The following ASTN2 variants were observed in gnomAD, a reference collection of about 807,000 sequenced individuals.
ASTN2 encodes the protein astrotactin-2.
In ASTN2, 54 loss-of-function variants were observed where a neutral mutation model predicts 139.8. The observed-to-expected ratio is 0.39, with a 90% confidence interval of 0.31 to 0.48. ASTN2 has a LOEUF of 0.48. Among genes scored for constraint, ASTN2 ranks in the 20% least tolerant of loss-of-function variants. The pLI, the probability that ASTN2 is intolerant of heterozygous loss-of-function variation, is 0.95. For missense variants in ASTN2, 1,565 were observed against 1,725.1 expected (o/e 0.91, Z 1.64); for synonymous variants, 756 against 719.5 (o/e 1.05, Z -0.81).
intron 20 of ASTN2, among the ~76,000 whole-genome samples, chr9:116,487,033 C>T (rs1449888374): frequency 6.6e-6 from 1 of 152,088 alleles, no homozygotes. Context: ...AGGCAGAGAT[C>T]CCTGACCCAA....
At chr9:117,203,797 G>A (rs556822872) in intron 3 of ASTN2, among the ~76,000 whole-genome samples, 1 of 152,132 alleles carries the variant, frequency 6.6e-6, no homozygotes, top group Non-Finnish European at 1.5e-5. Flanking sequence ...CCTGCATAGG[G>A]TATCTGACAA....
At chr9:117,288,254 G>A (rs1458026869) in intron 2 of ASTN2, among the ~76,000 whole-genome samples, 1 of 152,122 alleles carries the variant, frequency 6.6e-6, no homozygotes. Context: ...GTAGATGCTC[G>A]ACTCTAGCCT....
chr9:116,504,919 AAAC>A (rs1197566179), intron 19 of ASTN2, among the ~76,000 whole-genome samples: 5 of 140,614 alleles, frequency 3.6e-5, no homozygotes, highest in South Asian at 2.3e-4. Context: ...AAAAAACCCA[AAAC>A]AACAACAACA....
intron 1 of ASTN2, among the ~76,000 whole-genome samples, chr9:117,354,797 C>T (rs1364793929): frequency 2.0e-5 from 3 of 152,184 alleles, no homozygotes; most frequent in Non-Finnish European, 2.9e-5. Context: ...CTAGAACCTA[C>T]TCCACAGTGA....
rs145270109 is a variant in ASTN2 at position 116,769,849 on chromosome 9, A to G, written c.2396+35783T>C. ...CACTTCAGGTCAGGAGTTCAAGACCATGCTGGGCAACATAGCAAGACCCCA... is the reference window on the plus strand; with the variant it reads ...CACTTCAGGTCAGGAGTTCAAGACCGTGCTGGGCAACATAGCAAGACCCCA... On this transcript the variant is annotated intron_variant, in intron 13 of 22. Coordinates refer to ENST00000313400, the MANE Select transcript of ASTN2 (RefSeq NM_001365068.1). Among the ~76,000 whole-genome samples the G allele has an allele frequency of 3.9e-5, 6 of 152,214 alleles. No homozygotes were observed. In the East Asian group the frequency reaches 9.7e-4, roughly 25 times the overall value.
intron 3 of ASTN2, among the ~76,000 whole-genome samples, chr9:117,182,792 G>A (rs1239070454): frequency 6.6e-6 from 1 of 151,874 alleles, no homozygotes; most frequent in Non-Finnish European, 1.5e-5. Flanking sequence ...CCATCTCTGT[G>A]TCCTAGAATA....
At chr9:117,100,848 A>G (rs1288000103) in intron 4 of ASTN2, among the ~76,000 whole-genome samples, 1 of 152,214 alleles carries the variant, frequency 6.6e-6, no homozygotes, top group Non-Finnish European at 1.5e-5. Context: ...GTTAGTTTCT[A>G]TATTTGTTTA....
intron 5 of ASTN2, among the ~76,000 whole-genome samples, chr9:117,085,880 G>A (rs891989218): frequency 2.0e-5 from 3 of 152,062 alleles, no homozygotes; most frequent in Non-Finnish European, 4.4e-5. Flanking sequence ...CCTTATAATG[G>A]CCTGACCAGA....
intron 1 of ASTN2, among the ~76,000 whole-genome samples, chr9:117,300,564 G>A (rs553228896): frequency 1.4e-4 from 22 of 152,306 alleles, no homozygotes; most frequent in African/African-American, 4.6e-4. Flanking sequence ...AGGAACACAC[G>A]TGAGAGGTCA....
intron 22 of ASTN2, among the ~76,000 whole-genome samples, chr9:116,434,479 G>A (rs777348455): frequency 6.6e-4 from 100 of 152,170 alleles, no homozygotes; most frequent in Admixed American, 9.2e-4. Context: ...CCCATGGCAC[G>A]TTGAGAAAGA....
intron 6 of ASTN2, among the ~76,000 whole-genome samples, chr9:117,014,351 T>C (rs1235697407): frequency 6.6e-6 from 1 of 152,092 alleles, no homozygotes; most frequent in African/African-American, 2.4e-5. Context: ...AAAAACAAGC[T>C]TGAGGGTTTT....
At chr9:117,026,851 C>T (rs7047287) in intron 6 of ASTN2, among the ~76,000 whole-genome samples, 30,578 of 152,050 alleles carry the variant, frequency 0.2, 3,701 homozygotes, top group East Asian at 0.45. Flanking sequence ...ATATGTGCTA[C>T]GCAAGATCAC....
At chr9:117,245,885 C>G (rs767910186) in intron 2 of ASTN2, among the ~76,000 whole-genome samples, 33 of 152,138 alleles carry the variant, frequency 2.2e-4, no homozygotes, top group Non-Finnish European at 4.6e-4. Flanking sequence ...TCCAGCCACT[C>G]TTTGCCTAGG....
chr9:116,988,081 C>T (rs563829931), intron 7 of ASTN2, among the ~76,000 whole-genome samples: 152 of 152,224 alleles, frequency 1.0e-3, no homozygotes, highest in African/African-American at 3.6e-3. Context: ...CTGTGGGTAA[C>T]GGATACTGTA....
rs143844435 is a variant in ASTN2 at position 116,466,111 on chromosome 9, C to G, written c.3497+21248G>C. ...TTGCCCACATTTTACATTCAGTGAA[C>G]TTGCTGTTTGCGGGGAGGGTGGGAA... On this transcript the variant is annotated intron_variant, in intron 20 of 22. Transcript: ENST00000313400. 3.7e-3 allele frequency among the ~76,000 whole-genome samples: 559 copies of G among 152,288 alleles called. 3 individuals carry two copies. Among genetic ancestry groups the G allele is most frequent in the African/African-American group, 0.012 (495 of 41,556 alleles).
At chr9:116,601,007 T>G (rs1854869055) in intron 19 of ASTN2, among the ~76,000 whole-genome samples, 1 of 152,190 alleles carries the variant, frequency 6.6e-6, no homozygotes, top group South Asian at 2.1e-4. Context: ...AGCTAATATT[T>G]TAGTGAGAAA....
chr9:116,942,540 T>G (rs1789206914), intron 10 of ASTN2, among the ~76,000 whole-genome samples: 1 of 152,136 alleles, frequency 6.6e-6, no homozygotes, highest in African/African-American at 2.4e-5. Flanking sequence ...ACCACTTGTA[T>G]TTTAGGAATA....
In ASTN2 at chr9:117,334,164, G is replaced by T. The variant is rs186735863; in HGVS notation, c.443-42651C>A. On this transcript the variant is annotated intron_variant, in intron 1 of 22. Coordinates refer to ENST00000313400, the MANE Select transcript of ASTN2 (RefSeq NM_001365068.1). Reference sequence around the variant, plus strand: ...TGGCTATTTTCCAATAAAATCAGTAGGGGGCTACAGTTGGCCTGAGAGTCA... The same window carrying T: ...TGGCTATTTTCCAATAAAATCAGTATGGGGCTACAGTTGGCCTGAGAGTCA... Among the ~76,000 whole-genome samples the T allele has an allele frequency of 3.4e-3, 515 of 152,284 alleles. 4 individuals carry two copies. Among genetic ancestry groups the T allele is most frequent in the South Asian group, 5.6e-3 (27 of 4,818 alleles).
At chr9:116,548,164 G>C (rs1377116282) in intron 19 of ASTN2, among the ~76,000 whole-genome samples, 1 of 152,222 alleles carries the variant, frequency 6.6e-6, no homozygotes, top group Non-Finnish European at 1.5e-5. Flanking sequence ...GCTTAATGGG[G>C]CTGTGTCTGG....
Sources: allele counts gnomAD v4.1 joint callset (sites outside exome capture counted in the v4.1 genomes callset), GRCh38; gene constraint gnomAD v4.1.1; transcripts MANE v1.5; gene names NCBI Gene and HGNC (gene_info 2026-07-23, HGNC 2026-07-21).